Variants in TFRC observed in about 807,000 individuals in gnomAD.
TFRC encodes transferrin receptor protein 1.
In TFRC, 35 loss-of-function variants were observed where a neutral mutation model predicts 85.8. The observed-to-expected ratio is 0.41, with a 90% confidence interval of 0.31 to 0.54. The LOEUF is 0.54. TFRC is among the 20% of genes least tolerant of loss of function. TFRC has a pLI of 0.31. For missense variants in TFRC, 828 were observed against 921.5 expected, an observed-to-expected ratio of 0.90 and a Z score of 1.31; for synonymous variants, 362 against 328.6, an observed-to-expected ratio of 1.10 and a Z score of -1.10.
At chr3:196,081,165 C>T (rs1330197573) in intron 1 of TFRC, among the ~76,000 whole-genome samples, 1 of 152,182 alleles carries the variant, frequency 6.6e-6, no homozygotes, top group African/African-American at 2.4e-5. Flanking sequence ...CCAGCACAGC[C>T]CTCTGACCAC....
chr3:196,057,501 G>A (rs191581595), intron 16 of TFRC, among the ~76,000 whole-genome samples: 5 of 152,098 alleles, frequency 3.3e-5, no homozygotes, highest in African/African-American at 1.2e-4. Flanking sequence ...TCTTTAACTC[G>A]GTGTCTGAGG....
At chr3:196,069,292 AACTT>A (rs1717996437) in intron 7 of TFRC, among the ~76,000 whole-genome samples, 159 bp downstream of exon 7, 2 of 152,204 alleles carry the variant, frequency 1.3e-5, no homozygotes, top group African/African-American at 4.8e-5. Flanking sequence ...AGGTAAGTGG[AACTT>A]ACTTCATTTG....
rs529214594 is a variant in TFRC at position 196,052,292 on chromosome 3, C to CTTT, written c.2041-111_2041-109dup. 8.5e-4 allele frequency: 467 copies of CTTT among 547,410 alleles called. 1 individual carries two copies. Among genetic ancestry groups the CTTT allele is most frequent in the Non-Finnish European group, 1.0e-3 (365 of 350,200 alleles). 33.9% of individuals were successfully genotyped at this position (547,410 alleles called of 1,614,324 possible). Reference sequence around the variant, plus strand: ...CCCAAATTTAAGAATGCCGATCAGACTTTTTTTTTTTTTTTTTTTTTTTGA... The same window carrying CTTT: ...CCCAAATTTAAGAATGCCGATCAGACTTTTTTTTTTTTTTTTTTTTTTTTTTGA... On this transcript the variant is annotated intron_variant, in intron 18 of 18. Transcript: ENST00000360110.
At chr3:196,079,471 G>A (rs546138137) in intron 1 of TFRC, among the ~76,000 whole-genome samples, 1 of 152,146 alleles carries the variant, frequency 6.6e-6, no homozygotes, top group South Asian at 2.1e-4. Context: ...AAAATTAGCC[G>A]GGCATGGTGG....
chr3:196,069,410 G>A, intron 7 of TFRC, 45 bp downstream of exon 7: 1 of 1,140,030 alleles, frequency 8.8e-7, no homozygotes, highest in Non-Finnish European at 1.3e-6. Flanking sequence ...TGAAGAGTAA[G>A]ATACCAAAAG....
At chr3:196,056,280 C>T (rs1190162650) in intron 16 of TFRC, among the ~76,000 whole-genome samples, 1 of 152,148 alleles carries the variant, frequency 6.6e-6, no homozygotes, top group Non-Finnish European at 1.5e-5. Flanking sequence ...CTGCCCACCT[C>T]AGCCACCCAA....
chr3:196,081,522 G>A (rs1719175008), intron 1 of TFRC, among the ~76,000 whole-genome samples: 1 of 152,214 alleles, frequency 6.6e-6, no homozygotes, highest in Non-Finnish European at 1.5e-5. Flanking sequence ...AATCCCAGCC[G>A]TTCCCTGGGG....
chr3:196,071,299 C>T (rs1476787109), intron 6 of TFRC, 97 bp downstream of exon 6: 2 of 1,183,392 alleles, frequency 1.7e-6, no homozygotes, highest in Non-Finnish European at 2.5e-6. Flanking sequence ...TGATCATTTA[C>T]ATTTTACAGG....
chr3:196,066,542 A>T lies in TFRC; in HGVS notation c.1041-942T>A, dbSNP rs575206944. ...CCTAAGGGGGCTTACTTACATAAAT[A>T]TAGGTTGAAACATTATTACTCCCCT... On this transcript the variant is annotated intron_variant, in intron 9 of 18. Coordinates refer to ENST00000360110, the MANE Select transcript of TFRC (RefSeq NM_001128148.3). Among the ~76,000 whole-genome samples, 6 of 152,344 alleles carry T rather than the reference A, an allele frequency of 3.9e-5. No homozygotes were observed. In the East Asian group the frequency reaches 7.7e-4, roughly 20 times the overall value.
intron 11 of TFRC, chr3:196,063,283 C>T: frequency 5.9e-6 from 1 of 169,818 alleles, no homozygotes; most frequent in South Asian, 1.7e-4. Context: ...TCATTGAAAA[C>T]AGTGTAAGCA....
Position 196,053,446 on chromosome 3 carries a change from A to C in TFRC, c.2012T>G (p.Met671Arg). ...CATGACACGATCATTGAGTTTCTTC[A>C]TGACAAATCTGTCTGTTTTCTCAGC... Reference protein sequence around the residue: ...GNAEKTDRFVMKKLNDRVMRV... With the variant: ...GNAEKTDRFVRKKLNDRVMRV... The change falls in exon 18 of 19, where the codon ATG becomes AGG. Residue 671 changes from methionine to arginine, a missense_variant. Met to Arg is a moderately conservative substitution (Grantham distance 91). Transcript: ENST00000360110. 6.2e-7 allele frequency: 1 copy of C among 1,614,190 alleles called. No homozygotes were observed. The highest frequency in any genetic ancestry group is 8.5e-7 in the Non-Finnish European group (1 of 1,180,032).
intron 14 of TFRC, 120 bp downstream of exon 14, chr3:196,060,060 A>C: frequency 1.3e-6 from 1 of 744,466 alleles, no homozygotes; most frequent in Non-Finnish European, 2.2e-6. Flanking sequence ...CGCTGCTATA[A>C]AATTTATTCT....
At position 196,049,792 on chromosome 3, in the gene TFRC, TAAAAG is replaced by T. The variant is rs1050050148; in HGVS notation, c.*2145_*2149del. ...AGCTACGCTAAATGTCAGTCCAAGA[TAAAAG>T]AGGAGATTAAAGATAAAACTGAAGA... On this transcript the variant is annotated 3_prime_UTR_variant, in exon 19 of 19. Coordinates refer to ENST00000360110, the MANE Select transcript of TFRC (RefSeq NM_001128148.3). The T allele has an allele frequency of 2.6e-5, 6 of 229,918 alleles. No homozygotes were observed. Among genetic ancestry groups the T allele is most frequent in the African/African-American group, 1.1e-4 (5 of 45,154 alleles). The allele number at this position is 229,918 out of a possible 1,614,324, so 14.2% of individuals were successfully genotyped here. A position where few individuals can be genotyped will look rare whatever the true frequency, so the allele number is the denominator to read the frequency against.
chr3:196,081,436 G>A (rs1251660898), intron 1 of TFRC, among the ~76,000 whole-genome samples: 2 of 152,244 alleles, frequency 1.3e-5, no homozygotes, highest in African/African-American at 4.8e-5. Flanking sequence ...GGACAGCTTT[G>A]TCCCTTTCCG....
intron 3 of TFRC, 54 bp downstream of exon 3, chr3:196,075,105 G>A: frequency 1.6e-6 from 2 of 1,239,338 alleles, no homozygotes; most frequent in Non-Finnish European, 2.4e-6. Context: ...TGACATAACA[G>A]ACTTCCCAGA....
At chr3:196,078,371 C>G (rs562911550) in intron 1 of TFRC, among the ~76,000 whole-genome samples, 1 of 152,198 alleles carries the variant, frequency 6.6e-6, no homozygotes, top group East Asian at 1.9e-4. Flanking sequence ...TAAGAAAAAG[C>G]TTTCTGGCCA....
intron 10 of TFRC, 28 bp downstream of exon 10, chr3:196,065,410 AGCGGG>A: frequency 1.2e-6 from 1 of 850,068 alleles, no homozygotes; most frequent in East Asian, 5.4e-5. Flanking sequence ...ACAAAAAAAA[AGCGGG>A]GCGGGGGGGG....
chr3:196,071,945 T>G, intron 5 of TFRC, 58 bp downstream of exon 5: 1 of 1,573,246 alleles, frequency 6.4e-7, no homozygotes, highest in Non-Finnish European at 8.6e-7. Flanking sequence ...TTTGCTATAT[T>G]TAGCACACCT....
rs776799647 is a variant in TFRC at position 196,074,014 on chromosome 3, G to C, written c.350C>G (p.Pro117Arg). ...ATCCCAATATAAGCGACGTGCTGCA[G>C]GGAAGTCCTCTCCTGGCTCCTCCCT... ...PVREEPGEDF[P>R]AARRLYWDDL... Residue 117 changes from proline to arginine, a missense_variant, in exon 4 of 19, where the codon CCT (proline) becomes CGT (arginine). Transcript: ENST00000360110. The C allele has an allele frequency of 6.2e-7, 1 of 1,614,164 alleles. No homozygotes were observed. Among genetic ancestry groups the C allele is most frequent in the Non-Finnish European group, 8.5e-7 (1 of 1,180,028 alleles).
Sources: allele counts gnomAD v4.1 joint callset (sites outside exome capture counted in the v4.1 genomes callset), GRCh38; gene constraint gnomAD v4.1.1; transcripts MANE v1.5; gene names NCBI Gene and HGNC (gene_info 2026-07-23, HGNC 2026-07-21).